The following VTI1A variants were observed in gnomAD, a reference collection of about 807,000 sequenced individuals.
VTI1A encodes the protein vesicle transport through interaction with t-SNAREs 1A.
Under a neutral mutation model 34.9 loss-of-function variants are expected in VTI1A, and 22 were observed. The ratio of observed to expected loss-of-function variants is 0.63; its 90% confidence interval spans 0.45 to 0.90. The LOEUF (loss-of-function observed/expected upper bound fraction) is 0.90, where lower values mean the gene tolerates loss of function less well. VTI1A is among the 40% of genes least tolerant of loss of function. The pLI, the probability that VTI1A is intolerant of heterozygous loss-of-function variation, is 0.00. For missense variants in VTI1A, 268 were observed against 275.6 expected (o/e 0.97, Z 0.20); for synonymous variants, 87 against 97.3 (o/e 0.89, Z 0.62).
chr10:112,538,527 TC>T lies in VTI1A; in HGVS notation c.427+199del, dbSNP rs1208175440. On this transcript the variant is annotated intron_variant, in intron 5 of 7. Coordinates refer to ENST00000393077, the MANE Select transcript of VTI1A (RefSeq NM_145206.4). ...AGGCATGACATCTACTGAAAACAGT[TC>T]CTGAGGTTTAAAAGTATACATCTGA... is the stretch of plus-strand genomic sequence containing the variant. 4 of 540,496 alleles carry T rather than the reference TC, an allele frequency of 7.4e-6. No homozygotes were observed. In the Admixed American group the frequency reaches 1.4e-4, roughly 19 times the overall value. The allele number at this position is 540,496 out of a possible 1,614,324, so 33.5% of individuals were successfully genotyped here.
chr10:112,615,597 A>G (rs1442133064), intron 5 of VTI1A, among the ~76,000 whole-genome samples: 4 of 152,216 alleles, frequency 2.6e-5, no homozygotes, highest in Non-Finnish European at 4.4e-5. Flanking sequence ...ATTAAAATAT[A>G]TAAATTTTAA....
At chr10:112,583,472 A>T (rs1466038965) in intron 5 of VTI1A, among the ~76,000 whole-genome samples, 1 of 152,212 alleles carries the variant, frequency 6.6e-6, no homozygotes. Context: ...TCCGTCTTTC[A>T]GTCCTATGTA....
chr10:112,836,026 A>C, the VTI1A span, among the ~76,000 whole-genome samples: 4 of 152,262 alleles, frequency 2.6e-5, no homozygotes, highest in African/African-American at 4.8e-5. Context: ...CCAAAGCTCC[A>C]GTCTGAATAA....
intron 7 of VTI1A, among the ~76,000 whole-genome samples, chr10:112,763,301 A>G (rs913637241): frequency 1.3e-5 from 2 of 152,046 alleles, no homozygotes; most frequent in African/African-American, 2.4e-5. Flanking sequence ...TTAGCCGGGC[A>G]TGGTGGCAGG....
At chr10:112,746,104 G>C (rs771797564) in intron 7 of VTI1A, among the ~76,000 whole-genome samples, 8 of 152,184 alleles carry the variant, frequency 5.3e-5, no homozygotes, top group Non-Finnish European at 1.2e-4. Flanking sequence ...CTGTGTTCTT[G>C]ATCATATTTG....
In VTI1A at chr10:112,519,969, T is replaced by C. The variant is rs150144311; in HGVS notation, c.265-7118T>C. 3.6e-3 allele frequency among the ~76,000 whole-genome samples: 551 copies of C among 152,224 alleles called. 2 individuals are homozygous for C. The highest frequency in any genetic ancestry group is 0.012 in the African/African-American group (519 of 41,564). On this transcript the variant is annotated intron_variant, in intron 3 of 7. Coordinates refer to ENST00000393077, the MANE Select transcript of VTI1A (RefSeq NM_145206.4). ...TATAGGAATTAATTGTATACACTTA[T>C]ATACTTTGTTGCAGTAGTTTATTTT...
chr10:112,552,443 A>G (rs1004132056), intron 5 of VTI1A, among the ~76,000 whole-genome samples: 4 of 151,704 alleles, frequency 2.6e-5, no homozygotes, highest in Non-Finnish European at 5.9e-5. Context: ...CAAACCAACC[A>G]ACCAACAAAC....
chr10:112,838,282 T>TGGGGTC, the VTI1A span, among the ~76,000 whole-genome samples: 1 of 152,150 alleles, frequency 6.6e-6, no homozygotes, highest in East Asian at 1.9e-4. Flanking sequence ...CGGGTCCTCC[T>TGGGGTC]GGGGTCAGAG....
intron 5 of VTI1A, among the ~76,000 whole-genome samples, chr10:112,542,896 C>A (rs568138297): frequency 5.4e-4 from 82 of 152,242 alleles, no homozygotes; most frequent in Non-Finnish European, 8.5e-4. Context: ...TCTCATTGTT[C>A]AATTCCCACC....
chr10:112,572,682 C>CA (rs550769039), intron 5 of VTI1A, among the ~76,000 whole-genome samples: 357 of 151,956 alleles, frequency 2.3e-3, no homozygotes, highest in Admixed American at 3.7e-3. Context: ...ACTAAAAATA[C>CA]AAAAAATTAG....
At chr10:112,473,097 G>A (rs1237092029) in intron 3 of VTI1A, among the ~76,000 whole-genome samples, 3 of 144,560 alleles carry the variant, frequency 2.1e-5, no homozygotes, top group Non-Finnish European at 4.5e-5. Flanking sequence ...GAGGTCATTT[G>A]ATCCACTTTT....
At chr10:112,666,853 G>A (rs1847658451) in intron 5 of VTI1A, among the ~76,000 whole-genome samples, 1 of 152,070 alleles carries the variant, frequency 6.6e-6, no homozygotes, top group African/African-American at 2.4e-5. Context: ...GCTAGTCACT[G>A]TGCTAAATAT....
At chr10:112,635,792 G>T (rs1846331429) in intron 5 of VTI1A, among the ~76,000 whole-genome samples, 1 of 152,208 alleles carries the variant, frequency 6.6e-6, no homozygotes. Flanking sequence ...AGTCCCAAGA[G>T]ACCCACTTGA....
the VTI1A span, among the ~76,000 whole-genome samples, chr10:112,838,144 G>C: frequency 3.3e-5 from 5 of 152,234 alleles, no homozygotes; most frequent in Non-Finnish European, 7.3e-5. Flanking sequence ...TGGCCTGGGA[G>C]GAAAAGACCC....
chr10:112,724,117 A>G (rs1429661133), intron 7 of VTI1A, among the ~76,000 whole-genome samples: 1 of 152,136 alleles, frequency 6.6e-6, no homozygotes, highest in Non-Finnish European at 1.5e-5. Flanking sequence ...GTTGTTTGCT[A>G]GTTGTGGTCA....
intron 5 of VTI1A, among the ~76,000 whole-genome samples, chr10:112,620,390 C>T (rs754592366): frequency 6.6e-6 from 1 of 152,142 alleles, no homozygotes; most frequent in Non-Finnish European, 1.5e-5. Context: ...ATGAGTCTGA[C>T]AGCTACAACA....
chr10:112,565,443 A>C (rs1041982997), intron 5 of VTI1A, among the ~76,000 whole-genome samples: 1 of 152,156 alleles, frequency 6.6e-6, no homozygotes, highest in Non-Finnish European at 1.5e-5. Context: ...ACTTATTTAT[A>C]CATTTTATTT....
At chr10:112,596,318 A>AT (rs1393356957) in intron 5 of VTI1A, among the ~76,000 whole-genome samples, 1 of 151,132 alleles carries the variant, frequency 6.6e-6, no homozygotes, top group Non-Finnish European at 1.5e-5. Flanking sequence ...ATAATAATAA[A>AT]AAAGCCTGCT....
At chr10:112,447,777 T>C (rs937108182) in intron 1 of VTI1A, among the ~76,000 whole-genome samples, 1 of 152,196 alleles carries the variant, frequency 6.6e-6, no homozygotes, top group East Asian at 1.9e-4. Context: ...TTGTAAATTA[T>C]AGACATGTGA....
Sources: allele counts gnomAD v4.1 joint callset (sites outside exome capture counted in the v4.1 genomes callset), GRCh38; gene constraint gnomAD v4.1.1; transcripts MANE v1.5; gene names NCBI Gene and HGNC (gene_info 2026-07-23, HGNC 2026-07-21).